Variants in PDE2A observed in about 807,000 individuals in gnomAD.
The protein encoded by PDE2A is cGMP-dependent 3',5'-cyclic phosphodiesterase.
A neutral mutation model predicts 133.6 loss-of-function variants in PDE2A; 53 were observed. That is an observed-to-expected ratio of 0.40 (90% CI 0.32 to 0.50). PDE2A has a LOEUF of 0.50. Among genes scored for constraint, PDE2A ranks in the 20% least tolerant of loss-of-function variants. PDE2A has a pLI of 0.73. For synonymous variants in PDE2A, 491 were observed against 490.2 expected (o/e 1.00, Z -0.02); for missense variants, 796 against 1,232.4 (o/e 0.65, Z 5.30).
chr11:72,671,955 G>A (rs1565202043), intron 1 of PDE2A, among the ~76,000 whole-genome samples: 1 of 151,902 alleles, frequency 6.6e-6, no homozygotes, highest in Non-Finnish European at 1.5e-5. Flanking sequence ...TTACTGAGAT[G>A]TCTGCACTAC....
In PDE2A at chr11:72,614,938, C is replaced by A. The variant is rs73544312; in HGVS notation, c.145-6187G>T. ...CAGGAGCCCAGTCTTAAAGGAGGGA[C>A]CTGCCAGAGACCTTTCCTCCTCCCT... On this transcript the variant is annotated intron_variant, in intron 2 of 30. Transcript: ENST00000334456. 6.8e-3 allele frequency: 2,282 copies of A among 337,794 alleles called. 53 individuals are homozygous for A. The highest frequency in any genetic ancestry group is 0.045 in the African/African-American group (2,144 of 47,996). The allele number at this position is 337,794 out of a possible 1,614,324, so 20.9% of individuals were successfully genotyped here.
intron 1 of PDE2A, among the ~76,000 whole-genome samples, chr11:72,644,504 A>C (rs1190859639): frequency 6.6e-6 from 1 of 152,206 alleles, no homozygotes; most frequent in South Asian, 2.1e-4. Flanking sequence ...AATTCTGAGC[A>C]TGTGTCACTG....
chr11:72,623,203 A>T (rs757240849), intron 2 of PDE2A, among the ~76,000 whole-genome samples: 1 of 151,930 alleles, frequency 6.6e-6, no homozygotes, highest in Non-Finnish European at 1.5e-5. Context: ...AGCCTGACTC[A>T]CCCACAGTGC....
intron 1 of PDE2A, among the ~76,000 whole-genome samples, chr11:72,671,132 A>G (rs2135468520): frequency 6.6e-6 from 1 of 152,144 alleles, no homozygotes; most frequent in South Asian, 2.1e-4. Flanking sequence ...TCTGAAGCCC[A>G]GGCTTGCTGT....
chr11:72,606,951 G>A (rs976567407), intron 3 of PDE2A, among the ~76,000 whole-genome samples: 7 of 152,148 alleles, frequency 4.6e-5, no homozygotes, highest in South Asian at 2.1e-4. Context: ...ATCTGCATTC[G>A]GGGCTGCCTG....
intron 1 of PDE2A, chr11:72,668,896 TC>T (rs1359802751): frequency 8.6e-6 from 9 of 1,041,964 alleles, no homozygotes; most frequent in Non-Finnish European, 1.0e-5. Flanking sequence ...TCCTGGTCCC[TC>T]CCACACGATG....
At position 72,581,261 on chromosome 11, in the gene PDE2A, A is replaced by T. The variant is rs982250182; in HGVS notation, c.2045+96T>A. On this transcript the variant is annotated intron_variant, in intron 23 of 30. Transcript: ENST00000334456. ...TGGGGCTAAGAAGATCCCATGAGGC[A>T]GTGCGTGTAAAGTGCCTGACACACA... The T allele has an allele frequency of 6.5e-6, 8 of 1,233,224 alleles. No homozygotes were observed. In the African/African-American group the frequency reaches 1.2e-4, roughly 18 times the overall value. 76.4% of individuals were successfully genotyped at this position (1,233,224 alleles called of 1,614,324 possible).
intron 1 of PDE2A, among the ~76,000 whole-genome samples, chr11:72,655,364 T>C (rs557985992): frequency 6.6e-6 from 1 of 152,322 alleles, no homozygotes; most frequent in Non-Finnish European, 1.5e-5. Context: ...CTGGGGACAA[T>C]GAGCAGTGAC....
intron 2 of PDE2A, among the ~76,000 whole-genome samples, chr11:72,613,573 C>T (rs947497647): frequency 2.6e-5 from 4 of 151,976 alleles, no homozygotes; most frequent in African/African-American, 9.7e-5. Context: ...GTCTTGACGT[C>T]TTTTCCCACC....
In PDE2A at chr11:72,589,236, G is replaced by A. The variant is rs1187200203; in HGVS notation, c.878C>T (p.Thr293Ile). Residue 293 changes from threonine (T) to isoleucine (I), a missense_variant, in exon 12 of 31, where the codon ACA becomes ATA. Physicochemically the swap from Thr to Ile is moderately conservative, Grantham distance 89. Transcript: ENST00000334456. ...TTCCACCACCTGGCCCAGGCATCCT[G>A]TCAACTAGGGGGTGAGGAGAGACTG... The part of the protein sequence containing the change: ...VLGEEVSFPL[T>I]GCLGQVVEDK... 3.7e-6 allele frequency: 6 copies of A among 1,612,912 alleles called. No homozygotes were observed. The East Asian group carries it at 1.1e-4, about 30-fold the overall frequency.
At chr11:72,655,191 C>T (rs1330784087) in intron 1 of PDE2A, among the ~76,000 whole-genome samples, 1 of 152,348 alleles carries the variant, frequency 6.6e-6, no homozygotes, top group East Asian at 1.9e-4. Context: ...CTGCCCAGAA[C>T]ATCGACCCGT....
intron 13 of PDE2A, 24 bp from the exon 14 acceptor site, chr11:72,586,205 C>T: frequency 1.4e-6 from 2 of 1,413,828 alleles, no homozygotes; most frequent in African/African-American, 1.4e-5. Flanking sequence ...TGGGCTCACT[C>T]AGGAGGGAAG....
At chr11:72,662,108 A>T (rs1855084593) in intron 1 of PDE2A, among the ~76,000 whole-genome samples, 1 of 152,110 alleles carries the variant, frequency 6.6e-6, no homozygotes, top group Admixed American at 6.5e-5. Flanking sequence ...GTTTGTGGCC[A>T]GGTCCCTTAT....
chr11:72,586,857 C>T (rs1855998650), intron 13 of PDE2A, among the ~76,000 whole-genome samples: 2 of 152,188 alleles, frequency 1.3e-5, no homozygotes, highest in East Asian at 1.9e-4. Context: ...TTTGGCTGGC[C>T]TTGGTGCTCC....
At chr11:72,616,595 G>A (rs1415958739) in intron 2 of PDE2A, among the ~76,000 whole-genome samples, 1 of 152,200 alleles carries the variant, frequency 6.6e-6, no homozygotes. Context: ...CTAGGCAGGG[G>A]AGATAGCTGA....
chr11:72,648,512 G>T (rs557665821), intron 1 of PDE2A, among the ~76,000 whole-genome samples: 3 of 152,264 alleles, frequency 2.0e-5, no homozygotes, highest in East Asian at 3.9e-4. Flanking sequence ...AGGCCCAGGG[G>T]ATGGGGGCTG....
chr11:72,617,241 A>C (rs970825859), intron 2 of PDE2A, among the ~76,000 whole-genome samples: 1 of 152,046 alleles, frequency 6.6e-6, no homozygotes, highest in Non-Finnish European at 1.5e-5. Context: ...ATGCTGAAGG[A>C]GGCGGCCTGG....
rs899758787 is a variant in PDE2A at position 72,578,582 on chromosome 11, C to T, written c.2470-68G>A. ...ATCCACCCAAGCTCCTCTGACAGCCCGTTCCCAGGAGAGAAAACTGAGGCC... is the reference window on the plus strand; with the variant it reads ...ATCCACCCAAGCTCCTCTGACAGCCTGTTCCCAGGAGAGAAAACTGAGGCC... On this transcript the variant is annotated intron_variant, in intron 28 of 30. Transcript: ENST00000334456. This position sits in a 1 kb window ranked among gnomAD's most constrained non-coding sequence, Gnocchi z 4.2. 1.5e-6 allele frequency: 2 copies of T among 1,349,454 alleles called. No individual in the cohort carries two copies. The highest frequency in any genetic ancestry group is 1.2e-5 in the South Asian group (1 of 85,256). The allele number at this position is 1,349,454 out of a possible 1,614,324, so 83.6% of individuals were successfully genotyped here. A position where few individuals can be genotyped will look rare whatever the true frequency, so the allele number is the denominator to read the frequency against.
rs776221357 is a variant in PDE2A, at chr11:72,579,356, G to T, written c.2284C>A (p.Arg762=). 1.4e-5 allele frequency: 22 copies of T among 1,613,710 alleles called. No individual in the cohort carries two copies. The South Asian group carries it at 2.2e-4, about 16-fold the overall frequency. The part of the protein sequence containing the change: ...KDYQRMLDLM[R]DIILATDLAH... ...AGGTCTGTGGCCAAGATGATGTCCC[G>T]CATCAGATCCAGCATGCGCTGATAG... Residue 762 remains arginine, a synonymous_variant, in exon 27 of 31, where the codon CGG becomes AGG. Coordinates refer to ENST00000334456, the MANE Select transcript of PDE2A (RefSeq NM_002599.5).
Sources: allele counts gnomAD v4.1 joint callset (sites outside exome capture counted in the v4.1 genomes callset), GRCh38; gene constraint gnomAD v4.1.1; non-coding constraint Gnocchi (gnomAD v3.1); transcripts MANE v1.5; gene names NCBI Gene and HGNC (gene_info 2026-07-23, HGNC 2026-07-21).